Variants in SLC9C1 observed in about 807,000 individuals in gnomAD.
SLC9C1 encodes the protein solute carrier family 9 member C1.
A neutral mutation model predicts 140.9 loss-of-function variants in SLC9C1; 97 were observed. The ratio of observed to expected loss-of-function variants is 0.69; its 90% confidence interval spans 0.58 to 0.82. SLC9C1 has a LOEUF of 0.82. Among genes scored for constraint, SLC9C1 ranks in the 40% least tolerant of loss-of-function variants. The probability of loss-of-function intolerance (pLI) is 0.00; values close to 1 mark genes in which losing one functional copy is unlikely to be tolerated. For synonymous variants in SLC9C1, 440 were observed against 442.6 expected (o/e 0.99, Z 0.07); for missense variants, 1,340 against 1,389.3 (o/e 0.96, Z 0.56).
At chr3:112,203,014 G>T (rs10511309) in intron 17 of SLC9C1, among the ~76,000 whole-genome samples, 3 of 151,598 alleles carry the variant, frequency 2.0e-5, no homozygotes, top group African/African-American at 4.8e-5. Context: ...TCTCCAAAGG[G>T]TTTACACTCA....
At chr3:112,267,339 GGCC>G (rs1437151581) in intron 7 of SLC9C1, among the ~76,000 whole-genome samples, 1 of 152,036 alleles carries the variant, frequency 6.6e-6, no homozygotes, top group Non-Finnish European at 1.5e-5. Context: ...CACTTTGGGA[GGCC>G]AAGGCGGGTG....
intron 5 of SLC9C1, among the ~76,000 whole-genome samples, chr3:112,275,315 A>G (rs1379330319): frequency 6.6e-6 from 1 of 152,150 alleles, no homozygotes; most frequent in Admixed American, 6.6e-5. Context: ...TGCATGATAA[A>G]TCAGATATAT....
At chr3:112,146,482 C>G (rs1050353471) in intron 28 of SLC9C1, among the ~76,000 whole-genome samples, 2 of 152,114 alleles carry the variant, frequency 1.3e-5, no homozygotes, top group Non-Finnish European at 2.9e-5. Context: ...ACTGGTTTTG[C>G]TGTATCCCAG....
At chr3:112,227,097 G>T (rs2078702335) in intron 13 of SLC9C1, among the ~76,000 whole-genome samples, 1 of 151,960 alleles carries the variant, frequency 6.6e-6, no homozygotes, top group African/African-American at 2.4e-5. Flanking sequence ...TAAATTCCTG[G>T]ACACATAAAC....
intron 26 of SLC9C1, among the ~76,000 whole-genome samples, chr3:112,158,755 A>G (rs779145609): frequency 6.6e-6 from 1 of 151,706 alleles, no homozygotes; most frequent in Non-Finnish European, 1.5e-5. Context: ...GATAGGTTGT[A>G]TGTGTCCAGG....
At chr3:112,263,529 T>G (rs2079833938) in intron 9 of SLC9C1, among the ~76,000 whole-genome samples, 1 of 151,132 alleles carries the variant, frequency 6.6e-6, no homozygotes, top group East Asian at 1.9e-4. Context: ...TTTTTTTTCC[T>G]TCAGTCATAT....
chr3:112,235,095 C>A (rs1415242839), intron 12 of SLC9C1, among the ~76,000 whole-genome samples: 1 of 146,078 alleles, frequency 6.8e-6, no homozygotes, highest in Non-Finnish European at 1.5e-5. Flanking sequence ...GATATTGATT[C>A]TTCCTATCCA....
At chr3:112,145,903 C>T (rs2074779564) in intron 28 of SLC9C1, among the ~76,000 whole-genome samples, 1 of 152,018 alleles carries the variant, frequency 6.6e-6, no homozygotes, top group South Asian at 2.1e-4. Flanking sequence ...GTTTCCCTGC[C>T]CAAGCTGTCT....
chr3:112,144,426 GC>G (rs1274943733), intron 28 of SLC9C1, among the ~76,000 whole-genome samples: 1 of 151,864 alleles, frequency 6.6e-6, no homozygotes, highest in African/African-American at 2.4e-5. Flanking sequence ...GTCCTAAAGT[GC>G]TGGAATTACA....
chr3:112,284,685 T>C (rs2080453335), intron 2 of SLC9C1, among the ~76,000 whole-genome samples: 1 of 152,160 alleles, frequency 6.6e-6, no homozygotes, highest in African/African-American at 2.4e-5. Context: ...AAACTTCACA[T>C]TAAAGGAGCT....
chr3:112,245,531 T>C, intron 10 of SLC9C1, among the ~76,000 whole-genome samples: 1 of 148,282 alleles, frequency 6.7e-6, no homozygotes, highest in East Asian at 1.9e-4. Flanking sequence ...AAAAACCAAT[T>C]CACCATATAT....
intron 6 of SLC9C1, among the ~76,000 whole-genome samples, chr3:112,271,409 A>ATATATATATATATATATATATATATATC (rs1013241776): frequency 1.3e-4 from 20 of 149,296 alleles, no homozygotes; most frequent in Admixed American, 7.5e-4. Flanking sequence ...ATATATATAT[A>ATATATATATATATATATATATATATATC]TCAAAGCCTC....
intron 10 of SLC9C1, among the ~76,000 whole-genome samples, chr3:112,252,462 G>A (rs1380879594): frequency 2.6e-5 from 4 of 152,110 alleles, no homozygotes; most frequent in Non-Finnish European, 5.9e-5. Context: ...TTAGGCTTTG[G>A]AGAGTGTGAA....
At chr3:112,204,859 G>T (rs1342096926) in intron 16 of SLC9C1, among the ~76,000 whole-genome samples, 2 of 152,038 alleles carry the variant, frequency 1.3e-5, no homozygotes, top group Non-Finnish European at 2.9e-5. Flanking sequence ...TGTGACACAT[G>T]TGGGCAAAGT....
intron 18 of SLC9C1, 96 bp downstream of exon 18, chr3:112,202,154 G>A: frequency 7.4e-7 from 1 of 1,343,480 alleles, no homozygotes; most frequent in South Asian, 1.4e-5. Context: ...AAAACCAGGA[G>A]TCAAAGACAT....
intron 16 of SLC9C1, among the ~76,000 whole-genome samples, chr3:112,205,521 A>ATG (rs1461242424): frequency 7.5e-5 from 8 of 106,566 alleles, no homozygotes; most frequent in African/African-American, 2.7e-4. Context: ...CAAGCTACCA[A>ATG]CAACTTTCTT....
chr3:112,207,307 A>G (rs1298287254), intron 16 of SLC9C1, among the ~76,000 whole-genome samples: 1 of 152,186 alleles, frequency 6.6e-6, no homozygotes. Flanking sequence ...TTTCTTTTCA[A>G]TATGCTGCTT....
intron 28 of SLC9C1, among the ~76,000 whole-genome samples, chr3:112,145,547 G>A (rs1576193054): frequency 1.6e-5 from 2 of 123,794 alleles, no homozygotes; most frequent in South Asian, 5.3e-4. Flanking sequence ...GCTCTTCTTT[G>A]TATATCTGGT....
At chr3:112,207,716 C>G (rs2078094486) in intron 16 of SLC9C1, among the ~76,000 whole-genome samples, 1 of 152,116 alleles carries the variant, frequency 6.6e-6, no homozygotes, top group Non-Finnish European at 1.5e-5. Flanking sequence ...AAAAATTCAA[C>G]TCAAGTATTG....
Sources: allele counts gnomAD v4.1 joint callset (sites outside exome capture counted in the v4.1 genomes callset), GRCh38; gene constraint gnomAD v4.1.1; transcripts MANE v1.5; gene names NCBI Gene and HGNC (gene_info 2026-07-23, HGNC 2026-07-21).